Variants in ITGA9 observed in about 807,000 individuals in gnomAD.
The protein encoded by ITGA9 is integrin alpha-9.
ITGA9 carries 56 observed loss-of-function variants against 127.8 expected under a neutral mutation model. The ratio of observed to expected loss-of-function variants is 0.44; its 90% CI spans 0.35 to 0.55. The LOEUF is 0.55. Among genes scored for constraint, ITGA9 ranks in the 20% least tolerant of loss-of-function variants. ITGA9 has a pLI of 0.00. For synonymous variants in ITGA9, 508 were observed against 514.5 expected (o/e 0.99, Z 0.17); for missense variants, 1,196 against 1,347.1 (o/e 0.89, Z 1.76).
intron 15 of ITGA9, among the ~76,000 whole-genome samples, chr3:37,628,968 GC>G (rs368175361): frequency 6.6e-6 from 1 of 152,156 alleles, no homozygotes; most frequent in Non-Finnish European, 1.5e-5. Context: ...GAGAAGGAGA[GC>G]CCCCACCCAT....
intron 15 of ITGA9, among the ~76,000 whole-genome samples, chr3:37,616,396 G>A (rs1700075124): frequency 6.6e-6 from 1 of 152,146 alleles, no homozygotes; most frequent in African/African-American, 2.4e-5. Context: ...TATGTGGTCA[G>A]TTTTGGAACA....
chr3:37,666,625 G>A (rs1403051744), intron 17 of ITGA9, among the ~76,000 whole-genome samples: 1 of 152,216 alleles, frequency 6.6e-6, no homozygotes, highest in Admixed American at 6.5e-5. Context: ...GCCCAAAATG[G>A]AGAGCAGCAG....
At chr3:37,509,900 A>G (rs1047954262) in intron 8 of ITGA9, among the ~76,000 whole-genome samples, 1 of 152,206 alleles carries the variant, frequency 6.6e-6, no homozygotes, top group African/African-American at 2.4e-5. Flanking sequence ...TATGAGTGGA[A>G]TTAAGGCTAA....
At position 37,597,375 on chromosome 3, in the gene ITGA9, G is replaced by A. The variant is rs1699879284; in HGVS notation, c.1690-31812G>A. 3.9e-5 allele frequency among the ~76,000 whole-genome samples: 6 copies of A among 152,074 alleles called. No homozygotes were observed. Among genetic ancestry groups the A allele is most frequent in the Admixed American group, 3.9e-4 (6 of 15,274 alleles). On this transcript the variant is annotated intron_variant, in intron 15 of 27. Transcript: ENST00000264741. The surrounding 1 kb of genome is among the most constrained non-coding windows in gnomAD (Gnocchi z 4.6). The stretch of plus-strand genomic sequence containing the variant: ...TTTCAGCAGATCAGCCAAGCTGCAG[G>A]ATAGGTGACAGATATGAAACGATAA...
At chr3:37,697,401 A>G (rs1700897165) in intron 18 of ITGA9, among the ~76,000 whole-genome samples, 2 of 151,752 alleles carry the variant, frequency 1.3e-5, no homozygotes, top group South Asian at 4.2e-4. Flanking sequence ...TTTGTTACAT[A>G]GGTATACATG....
intron 16 of ITGA9, among the ~76,000 whole-genome samples, chr3:37,636,033 G>C (rs1040758241): frequency 3.3e-5 from 5 of 151,864 alleles, no homozygotes; most frequent in African/African-American, 1.2e-4. Context: ...GTCTATCGTT[G>C]TTGGACATTT....
In ITGA9 at chr3:37,481,524, A is replaced by G; in HGVS notation, c.461A>G (p.Asp154Gly). ...TGGAAGAACATCTACTATGAAGCCG[A>G]CCACATCCTACCCCATGGCTTCTGC... ...HRWKNIYYEA[D>G]HILPHGFCYI... The change falls in exon 4 of 28, where the codon GAC becomes GGC. Residue 154 changes from aspartate to glycine, a missense_variant. By Grantham distance (94) the Asp-to-Gly change is moderately conservative. Coordinates refer to ENST00000264741, the MANE Select transcript of ITGA9 (RefSeq NM_002207.3). 1 of 1,614,172 alleles carries G rather than the reference A, an allele frequency of 6.2e-7. No homozygotes were observed. The highest frequency in any genetic ancestry group is 8.5e-7 in the Non-Finnish European group (1 of 1,180,016).
chr3:37,496,469 A>G (rs1698730586), intron 5 of ITGA9, among the ~76,000 whole-genome samples: 1 of 152,120 alleles, frequency 6.6e-6, no homozygotes, highest in South Asian at 2.1e-4. Context: ...TCTAACAATG[A>G]CATCCATTGC....
chr3:37,573,218 C>T (rs1021602680), intron 15 of ITGA9: 6 of 152,066 alleles, frequency 3.9e-5, no homozygotes, highest in South Asian at 2.1e-4. Flanking sequence ...ACACTCAGAG[C>T]TGGGATTTTA....
At chr3:37,719,342 C>G (rs1401742658) in intron 18 of ITGA9, among the ~76,000 whole-genome samples, 1 of 152,148 alleles carries the variant, frequency 6.6e-6, no homozygotes, top group Non-Finnish European at 1.5e-5. Context: ...AGACAGGGCT[C>G]CATGAGCTGA....
At chr3:37,595,840 G>T (rs909548809) in intron 15 of ITGA9, among the ~76,000 whole-genome samples, 6 of 152,194 alleles carry the variant, frequency 3.9e-5, no homozygotes, top group African/African-American at 1.4e-4. Context: ...CCGACCTTGT[G>T]TGTTTGTCTC....
chr3:37,489,884 C>T (rs958528404), intron 4 of ITGA9, among the ~76,000 whole-genome samples: 17 of 152,176 alleles, frequency 1.1e-4, no homozygotes, highest in South Asian at 4.2e-4. Flanking sequence ...CTGAAGCGTG[C>T]GACTTGTGGA....
At chr3:37,710,840 G>A (rs1295100485) in intron 18 of ITGA9, among the ~76,000 whole-genome samples, 1 of 152,234 alleles carries the variant, frequency 6.6e-6, no homozygotes, top group Non-Finnish European at 1.5e-5. Context: ...AGCCAGCTGA[G>A]GGAGCGCTTC....
intron 18 of ITGA9, among the ~76,000 whole-genome samples, chr3:37,720,384 C>T (rs1701178832): frequency 6.6e-6 from 1 of 152,136 alleles, no homozygotes; most frequent in South Asian, 2.1e-4. Context: ...CCTATCATTT[C>T]AGGGGAGGTC....
At chr3:37,555,185 G>A (rs1172733657) in intron 15 of ITGA9, among the ~76,000 whole-genome samples, 1 of 152,198 alleles carries the variant, frequency 6.6e-6, no homozygotes, top group African/African-American at 2.4e-5. Context: ...CTGGTCTGAG[G>A]CCCCTGTAAA....
chr3:37,514,345 G>C (rs898157818), intron 9 of ITGA9, among the ~76,000 whole-genome samples: 4 of 152,198 alleles, frequency 2.6e-5, no homozygotes, highest in Non-Finnish European at 5.9e-5. Context: ...TTTGTCTCAA[G>C]GTTATGCCAC....
At chr3:37,729,953 C>T (rs1209601570) in intron 18 of ITGA9, among the ~76,000 whole-genome samples, 6 of 152,142 alleles carry the variant, frequency 3.9e-5, no homozygotes, top group Admixed American at 3.3e-4. Context: ...CCGCCTGCCT[C>T]GGCCTCCCAG....
At chr3:37,802,290 T>TA (rs1248897629) in intron 26 of ITGA9, among the ~76,000 whole-genome samples, 3 of 152,178 alleles carry the variant, frequency 2.0e-5, no homozygotes, top group African/African-American at 7.2e-5. Flanking sequence ...AGCCAGGCCC[T>TA]AAAAAGGTTA....
At chr3:37,645,233 T>C (rs1182888363) in intron 16 of ITGA9, among the ~76,000 whole-genome samples, 5 of 152,078 alleles carry the variant, frequency 3.3e-5, no homozygotes, top group Admixed American at 6.6e-5. Flanking sequence ...TGCTTCACCA[T>C]AGGGGCAGAG....
Sources: allele counts gnomAD v4.1 joint callset (sites outside exome capture counted in the v4.1 genomes callset), GRCh38; gene constraint gnomAD v4.1.1; non-coding constraint Gnocchi (gnomAD v3.1); transcripts MANE v1.5; gene names NCBI Gene and HGNC (gene_info 2026-07-23, HGNC 2026-07-21).